CEP131: variants seen among roughly 807,000 people sequenced by gnomAD.
The protein encoded by CEP131 is centrosomal protein 131.
Under a neutral mutation model 136.8 loss-of-function variants are expected in CEP131, and 99 were observed. The observed-to-expected ratio is 0.72, with a 90% confidence interval of 0.62 to 0.86. The LOEUF is 0.86. Among genes scored for constraint, CEP131 ranks in the 40% least tolerant of loss-of-function variants. CEP131 has a pLI of 0.00. For synonymous variants in CEP131, 646 were observed against 612.7 expected (o/e 1.05, Z -0.80); for missense variants, 1,459 against 1,463.0 (o/e 1.00, Z 0.04).
intron 18 of CEP131, among the ~76,000 whole-genome samples, chr17:81,193,437 C>T (rs2061686446): frequency 6.6e-6 from 1 of 152,194 alleles, no homozygotes; most frequent in Admixed American, 6.5e-5. Context: ...TGCCACTGCC[C>T]CCTGTGGCCC....
chr17:81,211,575 C>T (rs771841115), intron 2 of CEP131, among the ~76,000 whole-genome samples: 3 of 152,216 alleles, frequency 2.0e-5, no homozygotes, highest in African/African-American at 2.4e-5. Context: ...GGGAGGCAGA[C>T]GCCAAGTCCC....
intron 18 of CEP131, among the ~76,000 whole-genome samples, chr17:81,193,472 C>T (rs1236895275): frequency 6.6e-6 from 1 of 152,182 alleles, no homozygotes; most frequent in Non-Finnish European, 1.5e-5. Context: ...CCACTGGGCA[C>T]GTCCCCAGCC....
intron 2 of CEP131, among the ~76,000 whole-genome samples, chr17:81,213,432 G>A (rs1360049116): frequency 6.6e-6 from 1 of 152,034 alleles, no homozygotes; most frequent in Admixed American, 6.6e-5. Context: ...GGTGGCACAC[G>A]CCTGTAGTTC....
chr17:81,207,360 T>A, intron 3 of CEP131, 121 bp from the exon 4 acceptor site: 1 of 829,108 alleles, frequency 1.2e-6, no homozygotes, highest in Non-Finnish European at 1.9e-6. Flanking sequence ...AGCAACTCTG[T>A]TTCTAGGCCC....
Position 81,203,933 on chromosome 17 carries a change from C to G in CEP131, c.516-326G>C, listed in dbSNP as rs936847846. On this transcript the variant is annotated intron_variant, in intron 5 of 25. Transcript: ENST00000450824. This position sits in a 1 kb window ranked among gnomAD's most constrained non-coding sequence, Gnocchi z 4.6. ...AGCTTCCAGAGCAGACTCACAGAAGCGAAGCCCCATCCCACACGACGGATG... is the reference window on the plus strand; with the variant it reads ...AGCTTCCAGAGCAGACTCACAGAAGGGAAGCCCCATCCCACACGACGGATG... The G allele has an allele frequency of 3.5e-6, 1 of 285,320 alleles. No individual in the cohort carries two copies. The highest frequency in any genetic ancestry group is 2.2e-5 in the African/African-American group (1 of 45,734). 17.7% of individuals were successfully genotyped at this position (285,320 alleles called of 1,614,324 possible). A position where few individuals can be genotyped will look rare whatever the true frequency, so the allele number is the denominator to read the frequency against.
At chr17:81,220,985 C>T (rs1033051910) in intron 1 of CEP131, among the ~76,000 whole-genome samples, 3 of 151,296 alleles carry the variant, frequency 2.0e-5, no homozygotes, top group Non-Finnish European at 2.9e-5. Flanking sequence ...ATTAGCCGGG[C>T]GTGGTGGCGA....
At chr17:81,218,252 A>AGGCT (rs1187579407) in intron 2 of CEP131, among the ~76,000 whole-genome samples, 2 of 152,206 alleles carry the variant, frequency 1.3e-5, no homozygotes. Context: ...TATGTTGGCC[A>AGGCT]GGCTGGTATT....
intron 5 of CEP131, among the ~76,000 whole-genome samples, chr17:81,205,364 T>C (rs1261489533): frequency 8.3e-6 from 1 of 119,780 alleles, no homozygotes; most frequent in Non-Finnish European, 1.8e-5. Flanking sequence ...AGAGTGTGGG[T>C]AGGAGGGGCA....
chr17:81,194,786 C>T (rs1391056995), intron 17 of CEP131, 84 bp downstream of exon 17: 9 of 1,119,434 alleles, frequency 8.0e-6, no homozygotes, highest in Non-Finnish European at 1.2e-5. Flanking sequence ...TACATGAATG[C>T]CTGAAGTTAT....
At chr17:81,196,100 C>T in intron 15 of CEP131, 149 bp from the exon 16 acceptor site, 1 of 630,716 alleles carries the variant, frequency 1.6e-6, no homozygotes, top group Non-Finnish European at 2.7e-6. Context: ...GACCCTGGGG[C>T]CAGTGGGGGG....
At chr17:81,222,000 T>A (rs1260161602) in intron 1 of CEP131, among the ~76,000 whole-genome samples, 1 of 151,974 alleles carries the variant, frequency 6.6e-6, no homozygotes, top group African/African-American at 2.4e-5. Context: ...ACTGACCAGG[T>A]CCCAGTCCTC....
intron 2 of CEP131, among the ~76,000 whole-genome samples, chr17:81,214,224 A>G (rs1451022271): frequency 6.6e-6 from 1 of 152,254 alleles, no homozygotes; most frequent in African/African-American, 2.4e-5. Flanking sequence ...CAATTTTTCT[A>G]TAAATTTAAA....
At chr17:81,200,817 C>T (rs2061874883) in intron 7 of CEP131, among the ~76,000 whole-genome samples, 1 of 152,210 alleles carries the variant, frequency 6.6e-6, no homozygotes, top group South Asian at 2.1e-4. Context: ...AGGCCCGGGA[C>T]TCAGGCCAGT....
intron 5 of CEP131, 122 bp downstream of exon 5, chr17:81,206,622 A>T: frequency 7.5e-7 from 1 of 1,338,578 alleles, no homozygotes; most frequent in African/African-American, 1.5e-5. Context: ...TCTTTCACTC[A>T]CTCACTCATT....
Position 81,200,376 on chromosome 17 carries a change from C to G in CEP131, c.859G>C (p.Gly287Arg). Reference protein sequence around the residue: ...RWYRHQVQRRGAGAARLEHLL... With the variant: ...RWYRHQVQRRRAGAARLEHLL... ...TGCTCCAGGCGGGCAGCTCCTGCTC[C>G]GCGCCGCTGCACCTGGTGCCGGTAC... Residue 287 changes from glycine to arginine, a missense_variant, in exon 8 of 26, where the codon GGA becomes CGA. Physicochemically the swap from Gly to Arg is moderately radical, Grantham distance 125. Coordinates refer to ENST00000450824, the MANE Select transcript of CEP131 (RefSeq NM_014984.4). 6.3e-7 allele frequency: 1 copy of G among 1,576,434 alleles called. No homozygotes were observed. The highest frequency in any genetic ancestry group is 8.6e-7 in the Non-Finnish European group (1 of 1,161,598).
chr17:81,210,427 G>A (rs1233988580), intron 2 of CEP131, among the ~76,000 whole-genome samples: 4 of 152,178 alleles, frequency 2.6e-5, no homozygotes, highest in African/African-American at 9.6e-5. Flanking sequence ...AAAATTAGCT[G>A]GGCATAGTGG....
Position 81,198,139 on chromosome 17 carries a change from CCT to C in CEP131, c.1444_1445del (p.Arg482GlyfsTer11). ...DVLPRPRTHH[R>X]GRYAWASEED... Reference sequence around the variant, plus strand: ...CCTCGCTGGCCCAGGCGTATCTGCCCCTGTGATGGGTCCTGGGGCGGGGCAGC... The same window carrying C: ...CCTCGCTGGCCCAGGCGTATCTGCCCGTGATGGGTCCTGGGGCGGGGCAGC... On this transcript the variant is annotated frameshift_variant, in exon 12 of 26. Transcript: ENST00000450824. LOFTEE classifies it high-confidence loss of function. The C allele has an allele frequency of 1.9e-6, 3 of 1,572,960 alleles. No homozygotes were observed. The highest frequency in any genetic ancestry group is 2.6e-6 in the Non-Finnish European group (3 of 1,159,750).
chr17:81,198,117 C>T lies in CEP131; in HGVS notation c.1468G>A (p.Glu490Lys), dbSNP rs151071382. Residue 490 changes from glutamate (E) to lysine (K), a missense_variant and splice_region_variant, in exon 12 of 26, where the codon GAG becomes AAG. By Grantham distance (56) the Glu-to-Lys change is moderately conservative. This residue lies in a region of CEP131 where 1,026 missense variants were observed against 964.2 expected (regional missense o/e 1.06). Transcript: ENST00000450824. ...HHRGRYAWAS[E>K]EDDASSLTAD... is the part of the protein sequence containing the mutation. ...GGGCGGGCGCACACCGTGGTCACCT[C>T]GCTGGCCCAGGCGTATCTGCCCCTG... is the stretch of plus-strand genomic sequence containing the variant. 31 of 1,560,406 alleles carry T rather than the reference C, an allele frequency of 2.0e-5. No individual in the cohort carries two copies. Among genetic ancestry groups the T allele is most frequent in the Middle Eastern group, 2.1e-4 (1 of 4,864 alleles).
At chr17:81,212,332 A>G (rs138917944) in intron 2 of CEP131, among the ~76,000 whole-genome samples, 3,358 of 150,990 alleles carry the variant, frequency 0.022, 123 homozygotes, top group African/African-American at 0.077. Flanking sequence ...AAAAAAAAAA[A>G]AAAAGAAAAG....
Sources: allele counts gnomAD v4.1 joint callset (sites outside exome capture counted in the v4.1 genomes callset), GRCh38; gene constraint gnomAD v4.1.1; regional missense constraint gnomAD v4.1.1; non-coding constraint Gnocchi (gnomAD v3.1); transcripts MANE v1.5; gene names NCBI Gene and HGNC (gene_info 2026-07-23, HGNC 2026-07-21).